Variants in ZNF701 observed in about 807,000 individuals in gnomAD.
ZNF701 encodes zinc finger protein 701.
Under a neutral mutation model 7.1 loss-of-function variants are expected in ZNF701, and 6 were observed. The observed-to-expected ratio is 0.84, with a 90% confidence interval of 0.46 to 1.66. ZNF701 has a LOEUF of 1.66. ZNF701 is among the 40% of genes most tolerant of loss of function. The pLI is 0.01. For synonymous variants in ZNF701, 166 were observed against 188.2 expected (o/e 0.88, Z 0.97); for missense variants, 541 against 559.2 (o/e 0.97, Z 0.33).
At chr19:52,594,210 C>T in the ZNF701 span, 1 of 119,578 alleles carries the variant, frequency 8.4e-6, no homozygotes, top group Non-Finnish European at 1.8e-5. Context: ...CACAGGCACT[C>T]AGCAGGCTGA....
chr19:52,584,273 T>C lies in ZNF701; in HGVS notation c.*816T>C. On this transcript the variant is annotated 3_prime_UTR_variant, in exon 4 of 4. Coordinates refer to ENST00000391785, the MANE Select transcript of ZNF701 (RefSeq NM_018260.3). Reference sequence around the variant, plus strand: ...AGAGTCAATTCAGAATTGACTTGAGTTTGAGTTGACTTAAAACATTCAGTT... The same window carrying C: ...AGAGTCAATTCAGAATTGACTTGAGCTTGAGTTGACTTAAAACATTCAGTT... The C allele has an allele frequency of 4.5e-6, 1 of 224,032 alleles. No homozygotes were observed. The highest frequency in any genetic ancestry group is 9.1e-6 in the Non-Finnish European group (1 of 109,888). The allele number at this position is 224,032 out of a possible 1,614,324, so 13.9% of individuals were successfully genotyped here. A position where few individuals can be genotyped will look rare whatever the true frequency, so the allele number is the denominator to read the frequency against.
rs201095233 is a variant in ZNF701, at chr19:52,575,448, T to C, written c.16-447T>C. Among the ~76,000 whole-genome samples the C allele has an allele frequency of 2.3e-4, 35 of 151,596 alleles. 1 individual carries two copies. The East Asian group carries it at 6.6e-3, about 28-fold the overall frequency. On this transcript the variant is annotated intron_variant, in intron 2 of 3. Coordinates refer to ENST00000391785, the MANE Select transcript of ZNF701 (RefSeq NM_018260.3). Reference sequence around the variant, plus strand: ...TTGTGAGTGTGTGTAGGTTTTATTTTTTTTTTAACATATACAAAATAGAAT... The same window carrying C: ...TTGTGAGTGTGTGTAGGTTTTATTTCTTTTTTAACATATACAAAATAGAAT...
intron 2 of ZNF701, among the ~76,000 whole-genome samples, chr19:52,574,858 C>T (rs572562812): frequency 6.6e-4 from 100 of 152,208 alleles, no homozygotes; most frequent in African/African-American, 2.3e-3. Context: ...AAAATGGTTA[C>T]AATTTTTCTC....
chr19:52,580,090 T>C (rs150792036), intron 3 of ZNF701, among the ~76,000 whole-genome samples: 16,374 of 140,860 alleles, frequency 0.12, 1,814 homozygotes, highest in Admixed American at 0.15. Context: ...TACAGGCGCC[T>C]GCCACCACAC....
the ZNF701 span, chr19:52,597,383 C>G: frequency 1.9e-6 from 1 of 535,140 alleles, no homozygotes; most frequent in South Asian, 1.4e-5. Context: ...TGTGGGCACT[C>G]CATGCAGAAC....
downstream of ZNF701, among the ~76,000 whole-genome samples, chr19:52,591,375 T>A (rs2060036157): frequency 6.6e-6 from 1 of 151,986 alleles, no homozygotes; most frequent in Non-Finnish European, 1.5e-5. Flanking sequence ...GATACAGGTT[T>A]TCACCATGTT....
chr19:52,574,231 A>G, intron 2 of ZNF701, 69 bp downstream of exon 2: 1 of 1,587,440 alleles, frequency 6.3e-7, no homozygotes, highest in Admixed American at 1.7e-5. Context: ...GGAGTTGGGA[A>G]TCTTCTCTGA....
At position 52,575,146 on chromosome 19, in the gene ZNF701, T is replaced by G. The variant is rs547468163; in HGVS notation, c.16-749T>G. Among the ~76,000 whole-genome samples the G allele has an allele frequency of 2.0e-5, 3 of 152,154 alleles. No individual in the cohort carries two copies. In the South Asian group the frequency reaches 6.2e-4, roughly 32 times the overall value. On this transcript the variant is annotated intron_variant, in intron 2 of 3. Coordinates refer to ENST00000391785, the MANE Select transcript of ZNF701 (RefSeq NM_018260.3). ...CACCACGCCCGGATAATTTTTGTAT[T>G]TTTTAGTAGAGACGGGGTTTCACCG...
intron 1 of ZNF701, chr19:52,572,943 C>T (rs2059910437): frequency 6.9e-6 from 2 of 290,948 alleles, no homozygotes; most frequent in Admixed American, 4.7e-5. Context: ...CTGTCCCTTT[C>T]TCCTTCAGGT....
intron 3 of ZNF701, among the ~76,000 whole-genome samples, chr19:52,578,558 C>G (rs545880990): frequency 2.0e-4 from 31 of 152,288 alleles, no homozygotes; most frequent in African/African-American, 7.2e-4. Context: ...TTATTTATTA[C>G]AATCTCTCAT....
intron 3 of ZNF701, among the ~76,000 whole-genome samples, chr19:52,580,744 A>G (rs1478027745): frequency 1.3e-5 from 2 of 152,088 alleles, no homozygotes; most frequent in Non-Finnish European, 2.9e-5. Flanking sequence ...ATATTTATCA[A>G]TATTTTATTA....
In ZNF701 at chr19:52,582,761, G is replaced by A; in HGVS notation, c.702G>A (p.Gln234=). 1 of 1,614,162 alleles carries A rather than the reference G, an allele frequency of 6.2e-7. No individual in the cohort carries two copies. Among genetic ancestry groups the A allele is most frequent in the East Asian group, 2.2e-5 (1 of 44,884 alleles). The change falls in exon 4 of 4, where the codon CAG becomes CAA. Residue 234 remains glutamine (Q), a synonymous_variant. Coordinates refer to ENST00000391785, the MANE Select transcript of ZNF701 (RefSeq NM_018260.3). ...FNGSSLLKKH[Q]IIHLGDKQYK... ...GTAGCTCACTCTTAAAAAAACATCAGATAATCCATTTAGGAGACAAACAGT... is the reference window on the plus strand; with the variant it reads ...GTAGCTCACTCTTAAAAAAACATCAAATAATCCATTTAGGAGACAAACAGT...
chr19:52,578,796 C>CA (rs778468914), intron 3 of ZNF701, among the ~76,000 whole-genome samples: 75 of 152,300 alleles, frequency 4.9e-4, no homozygotes, highest in Non-Finnish European at 9.6e-4. Flanking sequence ...CTTGCTCTGT[C>CA]GCCCAGGCTG....
In ZNF701 at chr19:52,578,328, T is replaced by C. The variant is rs918791100; in HGVS notation, c.142+2307T>C. Among the ~76,000 whole-genome samples, 39 of 152,006 alleles carry C rather than the reference T, an allele frequency of 2.6e-4. 1 individual carries two copies. The highest frequency in any genetic ancestry group is 9.8e-4 in the Admixed American group (15 of 15,254). On this transcript the variant is annotated intron_variant, in intron 3 of 3. Transcript: ENST00000391785. ...CGTATGCTGCCTTCTCTCTCTGCTT[T>C]GGCTACCTAAAAGGCAAGGGCCCCT...
chr19:52,575,125 A>G (rs2059925194), intron 2 of ZNF701, among the ~76,000 whole-genome samples: 1 of 151,698 alleles, frequency 6.6e-6, no homozygotes, highest in Admixed American at 6.6e-5. Context: ...ACCCCCCACC[A>G]CGCCCGGATA....
At chr19:52,596,731 A>G in the ZNF701 span, 1 of 507,730 alleles carries the variant, frequency 2.0e-6, no homozygotes, top group Non-Finnish European at 4.1e-6. Flanking sequence ...CCTTTGCTCA[A>G]AATTCAGCCC....
At chr19:52,592,327 TTTTCATGTACA>T in the ZNF701 span, 1 of 1,242,242 alleles carries the variant, frequency 8.0e-7, no homozygotes, top group Non-Finnish European at 1.1e-6. Context: ...CCATACATGC[TTTTCATGTACA>T]TGTCATTGTT....
chr19:52,583,342 ATCG>A lies in ZNF701; in HGVS notation c.1285_1287del (p.Arg430del), dbSNP rs2059989539. On this transcript the variant is annotated inframe_deletion, in exon 4 of 4. Transcript: ENST00000391785. ...AATCACAAATCAAACCTTGCATGTCATCGTAGACTTCATACTGGAGAGAAACCT... is the reference window on the plus strand; with the variant it reads ...AATCACAAATCAAACCTTGCATGTCATAGACTTCATACTGGAGAGAAACCT... 1 of 1,604,542 alleles carries A rather than the reference ATCG, an allele frequency of 6.2e-7. No homozygotes were observed. Among genetic ancestry groups the A allele is most frequent in the South Asian group, 1.1e-5 (1 of 90,552 alleles).
chr19:52,573,858 G>A (rs867761636), intron 1 of ZNF701, among the ~76,000 whole-genome samples: 21 of 152,208 alleles, frequency 1.4e-4, no homozygotes, highest in African/African-American at 5.1e-4. Flanking sequence ...TGCCCTGAAA[G>A]GGAGCTCATT....
Sources: allele counts gnomAD v4.1 joint callset (sites outside exome capture counted in the v4.1 genomes callset), GRCh38; gene constraint gnomAD v4.1.1; transcripts MANE v1.5; gene names NCBI Gene and HGNC (gene_info 2026-07-23, HGNC 2026-07-21).